CDIN1: variants seen among roughly 807,000 people sequenced by gnomAD.
CDIN1 encodes the protein CDAN1 interacting nuclease 1, also known as CDAN1-interacting nuclease 1.
In CDIN1, 33 loss-of-function variants were observed where a neutral mutation model predicts 45.3. The observed-to-expected ratio is 0.73, with a 90% confidence interval of 0.55 to 0.97. The LOEUF (loss-of-function observed/expected upper bound fraction) is 0.97. Among genes scored for constraint, CDIN1 ranks in the 50% least tolerant of loss-of-function variants. The pLI is 0.00. For missense variants in CDIN1, 303 were observed against 339.4 expected (o/e 0.89, Z 0.84); for synonymous variants, 118 against 124.4 (o/e 0.95, Z 0.34).
At chr15:36,608,990 T>C (rs1440261138) in intron 1 of CDIN1, among the ~76,000 whole-genome samples, 1 of 149,388 alleles carries the variant, frequency 6.7e-6, no homozygotes, top group African/African-American at 2.6e-5. Flanking sequence ...GATAGATAGA[T>C]AGATAGATAG....
chr15:36,644,279 C>G lies in CDIN1; in HGVS notation c.103C>G (p.Gln35Glu). The G allele has an allele frequency of 6.2e-7, 1 of 1,613,490 alleles. No homozygotes were observed. The highest frequency in any genetic ancestry group is 8.5e-7 in the Non-Finnish European group (1 of 1,179,636). ...TTGTCCTTCTTTTATTTGTTCCAGT[C>G]AATCGCAGGCCACTCTGCTGAGCAT... ...LRKLKQRFPS[Q>E]SQATLLSIFS... Residue 35 changes from glutamine (Q) to glutamate (E), a missense_variant and splice_region_variant, in exon 2 of 11, where the codon CAA becomes GAA. Physicochemically the swap from Gln to Glu is conservative, Grantham distance 29. Coordinates refer to ENST00000566621, the MANE Select transcript of CDIN1 (RefSeq NM_001321759.2).
In CDIN1 at chr15:36,671,680, T is replaced by C. The variant is rs1243658546; in HGVS notation, c.346+13775T>C. 2.0e-5 allele frequency among the ~76,000 whole-genome samples: 3 copies of C among 152,138 alleles called. No individual in the cohort carries two copies. In the East Asian group the frequency reaches 5.8e-4, roughly 29 times the overall value. ...TCCAGTTTCTTCCTTGAGCAGGCCA[T>C]ATGATCATGTGATCAGCTAGGATTT... is the stretch of plus-strand genomic sequence containing the variant. On this transcript the variant is annotated intron_variant, in intron 5 of 10. Transcript: ENST00000566621.
chr15:36,691,821 A>G (rs2042262932), intron 6 of CDIN1, 57 bp downstream of exon 6: 1 of 1,306,966 alleles, frequency 7.7e-7, no homozygotes. Flanking sequence ...CTAGCAGAGT[A>G]AAGGATTTTA....
chr15:36,742,434 G>A (rs1328275082), intron 10 of CDIN1, among the ~76,000 whole-genome samples: 1 of 151,842 alleles, frequency 6.6e-6, no homozygotes, highest in African/African-American at 2.4e-5. Context: ...TAATACACAG[G>A]AAAACAAAAA....
intron 1 of CDIN1, among the ~76,000 whole-genome samples, chr15:36,592,438 A>G (rs563377985): frequency 2.0e-5 from 3 of 152,206 alleles, no homozygotes; most frequent in East Asian, 1.9e-4. Context: ...ACTGCATTCT[A>G]TCGCCAGTCT....
intron 1 of CDIN1, chr15:36,618,014 G>A: frequency 2.5e-6 from 2 of 785,366 alleles, no homozygotes; most frequent in South Asian, 1.3e-5. Flanking sequence ...TATGCAGCCT[G>A]TATATAATCT....
At chr15:36,677,411 A>G (rs778770531) in intron 5 of CDIN1, among the ~76,000 whole-genome samples, 6 of 152,166 alleles carry the variant, frequency 3.9e-5, no homozygotes, top group Non-Finnish European at 8.8e-5. Flanking sequence ...CATAAATCCA[A>G]GCTTGAAATC....
chr15:36,776,239 G>T (rs746413322), intron 10 of CDIN1, among the ~76,000 whole-genome samples: 10 of 152,164 alleles, frequency 6.6e-5, no homozygotes, highest in African/African-American at 2.2e-4. Flanking sequence ...ACAGATTTAG[G>T]ATATGTCAGG....
intron 3 of CDIN1, chr15:36,648,699 G>GACACC (rs1414790704): frequency 2.6e-4 from 40 of 152,122 alleles, no homozygotes; most frequent in Non-Finnish European, 3.2e-4. Flanking sequence ...CAAAGTGCTG[G>GACACC]GATTATAGGT....
At chr15:36,779,869 G>C (rs62002354) in intron 10 of CDIN1, among the ~76,000 whole-genome samples, 2,722 of 152,252 alleles carry the variant, frequency 0.018, 44 homozygotes, top group Middle Eastern at 0.078. Flanking sequence ...TGTGAATATA[G>C]TCTTCTGAAG....
intron 8 of CDIN1, among the ~76,000 whole-genome samples, chr15:36,699,355 T>C (rs577811216): frequency 6.6e-6 from 1 of 152,316 alleles, no homozygotes; most frequent in South Asian, 2.1e-4. Context: ...TTGTGACAGG[T>C]AAATTTAGAT....
intron 5 of CDIN1, among the ~76,000 whole-genome samples, chr15:36,683,960 TAAG>T (rs1412081201): frequency 7.1e-6 from 1 of 141,096 alleles, no homozygotes; most frequent in African/African-American, 2.6e-5. Flanking sequence ...CTTATGAGCT[TAAG>T]GAGATTTTGG....
chr15:36,613,586 A>G (rs1256117989), intron 1 of CDIN1: 2 of 1,477,598 alleles, frequency 1.4e-6, no homozygotes, highest in Non-Finnish European at 1.9e-6. Flanking sequence ...TGAGGGAGAA[A>G]GGCGGGCCCG....
chr15:36,749,525 C>A (rs918928514), intron 10 of CDIN1, among the ~76,000 whole-genome samples: 3 of 152,120 alleles, frequency 2.0e-5, no homozygotes, highest in Non-Finnish European at 4.4e-5. Context: ...AATTATTCAT[C>A]CTACACTAGA....
At chr15:36,661,251 C>T (rs2040999446) in intron 5 of CDIN1, among the ~76,000 whole-genome samples, 2 of 152,158 alleles carry the variant, frequency 1.3e-5, no homozygotes, top group African/African-American at 2.4e-5. Context: ...GTTTTCCTGT[C>T]ACATCACAGA....
At chr15:36,808,219 T>G (rs1225323762) in intron 10 of CDIN1, 105 bp from the exon 11 acceptor site, 1 of 1,502,608 alleles carries the variant, frequency 6.7e-7, no homozygotes, top group Non-Finnish European at 8.9e-7. Flanking sequence ...AACAAAAATT[T>G]TGTGCAGTCC....
chr15:36,769,997 T>C (rs921589), intron 10 of CDIN1, among the ~76,000 whole-genome samples: 122,952 of 152,096 alleles, frequency 0.81, 52,472 homozygotes, highest in East Asian at 0.95. Flanking sequence ...ATAACCCATT[T>C]TCTTTTCTCT....
rs542161108 is a variant in CDIN1 at position 36,691,048 on chromosome 15, G to A, written c.347-637G>A. 4.9e-4 allele frequency: 192 copies of A among 392,596 alleles called. 1 individual carries two copies. Among genetic ancestry groups the A allele is most frequent in the African/African-American group, 3.8e-3 (181 of 47,520 alleles). 24.3% of individuals were successfully genotyped at this position (392,596 alleles called of 1,614,324 possible). ...GAGGCATATTTTGGGTGGAAAACTT[G>A]TGTGTGTGTGTCTCTCTCTGTATAT... On this transcript the variant is annotated intron_variant, in intron 5 of 10. Transcript: ENST00000566621.
At chr15:36,605,968 T>C (rs112727901) in intron 1 of CDIN1, among the ~76,000 whole-genome samples, 10 of 152,080 alleles carry the variant, frequency 6.6e-5, no homozygotes, top group Non-Finnish European at 1.5e-4. Flanking sequence ...ATTGTAGAAG[T>C]GGGAATTTGA....
Sources: gnomAD v4.1 joint callset for allele counts (sites outside exome capture counted in the v4.1 genomes callset) on GRCh38, gnomAD v4.1.1 for gene constraint, MANE v1.5 for transcripts, NCBI Gene and HGNC (gene_info 2026-07-23, HGNC 2026-07-21) for gene names.